GRM8: variants seen among roughly 807,000 people sequenced by gnomAD.
GRM8 encodes the protein glutamate metabotropic receptor 8.
GRM8 carries 47 observed loss-of-function variants against 87.2 expected under a neutral mutation model. The ratio of observed to expected loss-of-function variants is 0.54; its 90% confidence interval spans 0.43 to 0.69. The LOEUF is 0.69. GRM8 is among the 30% of genes least tolerant of loss of function. The probability of loss-of-function intolerance (pLI) is 0.00; values close to 1 mark genes in which losing one functional copy is unlikely to be tolerated. For missense variants in GRM8, 1,019 were observed against 1,139.2 expected, an observed-to-expected ratio of 0.89 and a Z score of 1.52; for synonymous variants, 396 against 404.5, an observed-to-expected ratio of 0.98 and a Z score of 0.25.
At chr7:126,559,149 G>GTT (rs1793440594) in intron 8 of GRM8, among the ~76,000 whole-genome samples, 1 of 125,742 alleles carries the variant, frequency 8.0e-6, no homozygotes, top group African/African-American at 2.9e-5. Flanking sequence ...GTAATCTTTT[G>GTT]CTTTTTTTTT....
chr7:127,058,346 A>G (rs2132556014), intron 3 of GRM8, among the ~76,000 whole-genome samples: 1 of 152,306 alleles, frequency 6.6e-6, no homozygotes, highest in African/African-American at 2.4e-5. Flanking sequence ...CTAGATCTCA[A>G]ATTAGGAGAA....
chr7:127,094,231 A>G (rs1485226049), intron 3 of GRM8, among the ~76,000 whole-genome samples: 2 of 152,228 alleles, frequency 1.3e-5, no homozygotes, highest in African/African-American at 4.8e-5. Context: ...AATGGCTTTA[A>G]CAAGGAAATG....
At chr7:127,023,153 C>A (rs576666107) in intron 3 of GRM8, among the ~76,000 whole-genome samples, 1 of 151,992 alleles carries the variant, frequency 6.6e-6, no homozygotes, top group Non-Finnish European at 1.5e-5. Context: ...TTCTTCATAA[C>A]GGGTTTTCTC....
intron 2 of GRM8, among the ~76,000 whole-genome samples, chr7:127,125,109 A>G (rs933529481): frequency 6.6e-6 from 1 of 152,154 alleles, no homozygotes; most frequent in Non-Finnish European, 1.5e-5. Context: ...AAGACTGTCC[A>G]TTTCACTGGA....
chr7:126,485,268 G>C (rs376564303), intron 9 of GRM8, among the ~76,000 whole-genome samples: 1 of 117,442 alleles, frequency 8.5e-6, no homozygotes, highest in African/African-American at 3.8e-5. Context: ...ACATGACCCA[G>C]ATTTGGAGTT....
At chr7:126,923,705 A>C (rs997809384) in intron 3 of GRM8, among the ~76,000 whole-genome samples, 1 of 152,126 alleles carries the variant, frequency 6.6e-6, no homozygotes, top group African/African-American at 2.4e-5. Flanking sequence ...TGTCCTAGCT[A>C]TGAAGTATGC....
chr7:126,552,563 C>A (rs1169424900), intron 8 of GRM8, among the ~76,000 whole-genome samples: 1 of 152,076 alleles, frequency 6.6e-6, no homozygotes, highest in Non-Finnish European at 1.5e-5. Context: ...ACTTTCTCTT[C>A]ATTGTACAAA....
In GRM8 at chr7:126,684,057, G is replaced by A. The variant is rs183393575; in HGVS notation, c.1358-74559C>T. ...AATATCTAGCATGTAAATATTTGTG[G>A]ATGAAGGGAAGGTGAGCAGGAAGGA... is the stretch of plus-strand genomic sequence containing the variant. On this transcript the variant is annotated intron_variant, in intron 7 of 10. Transcript: ENST00000339582. Among the ~76,000 whole-genome samples the A allele has an allele frequency of 1.2e-3, 187 of 152,290 alleles. 2 individuals carry two copies. Among genetic ancestry groups the A allele is most frequent in the Admixed American group, 0.012 (186 of 15,294 alleles).
chr7:126,477,337 T>C (rs1242250476), intron 9 of GRM8, among the ~76,000 whole-genome samples: 3 of 152,056 alleles, frequency 2.0e-5, no homozygotes, highest in African/African-American at 7.2e-5. Flanking sequence ...GTGACTGTTT[T>C]GTATACTAAA....
chr7:126,620,920 C>T (rs1224015645), intron 7 of GRM8, among the ~76,000 whole-genome samples: 2 of 152,154 alleles, frequency 1.3e-5, no homozygotes, highest in Admixed American at 1.3e-4. Flanking sequence ...GTTTATTCTT[C>T]CCTGCTCCCC....
At chr7:126,591,111 A>G (rs1426826491) in intron 8 of GRM8, among the ~76,000 whole-genome samples, 1 of 152,140 alleles carries the variant, frequency 6.6e-6, no homozygotes, top group Non-Finnish European at 1.5e-5. Flanking sequence ...TCACCAACTA[A>G]GTATCTGCTG....
chr7:126,701,020 T>C (rs1809861970), intron 7 of GRM8, among the ~76,000 whole-genome samples: 1 of 152,108 alleles, frequency 6.6e-6, no homozygotes, highest in Admixed American at 6.6e-5. Flanking sequence ...TTTTCTTCCT[T>C]CCTTCTTTTA....
intron 2 of GRM8, among the ~76,000 whole-genome samples, chr7:127,198,000 C>G (rs1563573009): frequency 6.6e-6 from 1 of 151,816 alleles, no homozygotes; most frequent in Non-Finnish European, 1.5e-5. Context: ...AAAAAAGGAC[C>G]TTTTGGTTTA....
chr7:126,819,880 T>TAA (rs5887313), intron 6 of GRM8, among the ~76,000 whole-genome samples: 15 of 151,384 alleles, frequency 9.9e-5, no homozygotes, highest in African/African-American at 1.7e-4. Flanking sequence ...CTTTTTCAAT[T>TAA]AAAAAAAAAT....
At chr7:127,072,944 T>A (rs1821864668) in intron 3 of GRM8, among the ~76,000 whole-genome samples, 1 of 151,774 alleles carries the variant, frequency 6.6e-6, no homozygotes, top group Non-Finnish European at 1.5e-5. Flanking sequence ...TTTCTTTTTT[T>A]TTTTCTTTCT....
intron 6 of GRM8, among the ~76,000 whole-genome samples, chr7:126,828,373 A>G (rs542921824): frequency 2.1e-4 from 32 of 152,284 alleles, no homozygotes; most frequent in Non-Finnish European, 3.8e-4. Flanking sequence ...GCTATTGATT[A>G]TTGCCACAAT....
intron 3 of GRM8, among the ~76,000 whole-genome samples, chr7:126,984,300 T>C (rs1811830510): frequency 6.6e-6 from 1 of 152,188 alleles, no homozygotes; most frequent in African/African-American, 2.4e-5. Flanking sequence ...AGTGTCAACT[T>C]GATGGGATTG....
chr7:127,149,165 CA>C (rs1228949845), intron 2 of GRM8, among the ~76,000 whole-genome samples: 1 of 151,920 alleles, frequency 6.6e-6, no homozygotes. Flanking sequence ...AAAAATACTG[CA>C]AACTATATAT....
intron 6 of GRM8, among the ~76,000 whole-genome samples, chr7:126,882,206 G>C (rs568054028): frequency 1.3e-5 from 2 of 152,076 alleles, no homozygotes; most frequent in African/African-American, 4.8e-5. Context: ...TACACAAACA[G>C]GTTTTTTTTT....
Sources: allele counts gnomAD v4.1 joint callset (sites outside exome capture counted in the v4.1 genomes callset), GRCh38; gene constraint gnomAD v4.1.1; transcripts MANE v1.5; gene names NCBI Gene and HGNC (gene_info 2026-07-23, HGNC 2026-07-21).